DNAAF5: variants seen among roughly 807,000 people sequenced by gnomAD.
DNAAF5 encodes the protein dynein axonemal assembly factor 5.
Under a neutral mutation model 75.8 loss-of-function variants are expected in DNAAF5, and 64 were observed. The ratio of observed to expected loss-of-function variants is 0.84; its 90% CI spans 0.69 to 1.04. The LOEUF (loss-of-function observed/expected upper bound fraction) is 1.04, where lower values mean the gene tolerates loss of function less well. DNAAF5 is among the 50% of genes least tolerant of loss of function. DNAAF5 has a pLI of 0.00. For synonymous variants in DNAAF5, 657 were observed against 557.2 expected (o/e 1.18, Z -2.52); for missense variants, 1,269 against 1,178.5 (o/e 1.08, Z -1.12).
chr7:739,104 C>CAGGCTTTGCAGCATCTCAGCA (rs1562377092), intron 2 of DNAAF5, among the ~76,000 whole-genome samples: 24 of 54,634 alleles, frequency 4.4e-4, no homozygotes, highest in South Asian at 1.3e-3. Context: ...GCCCTCTGCC[C>CAGGCTTTGCAGCATCTCAGCA]CATCACTGTA....
chr7:784,633 C>G (rs559829843), intron 12 of DNAAF5, among the ~76,000 whole-genome samples: 3 of 152,280 alleles, frequency 2.0e-5, no homozygotes, highest in South Asian at 4.2e-4. Context: ...TTTTCATCAT[C>G]GGCCACTGCT....
At chr7:765,794 G>T (rs146458548) in intron 8 of DNAAF5, among the ~76,000 whole-genome samples, 1 of 152,104 alleles carries the variant, frequency 6.6e-6, no homozygotes, top group Non-Finnish European at 1.5e-5. Flanking sequence ...TCAAACTTCC[G>T]GGATCAAGTG....
At chr7:756,648 CAAGGACTCACTCTGCCT>C (rs1782493793) in intron 5 of DNAAF5, 117 bp from the exon 6 acceptor site, 4 of 769,252 alleles carry the variant, frequency 5.2e-6, no homozygotes, top group Middle Eastern at 3.8e-4. Flanking sequence ...GAGCATGTGC[CAAGGACTCACTCTGCCT>C]AACACGGGGC....
At chr7:735,516 G>T (rs1781715476) in intron 2 of DNAAF5, among the ~76,000 whole-genome samples, 2 of 151,514 alleles carry the variant, frequency 1.3e-5, no homozygotes, top group African/African-American at 4.9e-5. Context: ...TGCTGATATT[G>T]TTGCTCACGG....
At chr7:760,432 C>A (rs942531383) in intron 6 of DNAAF5, among the ~76,000 whole-genome samples, 2 of 152,170 alleles carry the variant, frequency 1.3e-5, no homozygotes, top group African/African-American at 4.8e-5. Context: ...GGCCACGGTC[C>A]TGACTCACTC....
rs371542660 is a variant in DNAAF5, at chr7:763,804, A to G, written c.1615-2A>G. 7 of 1,612,954 alleles carry G rather than the reference A, an allele frequency of 4.3e-6. No homozygotes were observed. The South Asian group carries it at 4.4e-5, about 10-fold the overall frequency. On this transcript the variant is annotated splice_acceptor_variant, in intron 7 of 12. Coordinates refer to ENST00000297440, the MANE Select transcript of DNAAF5 (RefSeq NM_017802.4). LOFTEE classifies it high-confidence loss of function. ...TCTCAGTCTCTGACTTGTAACCTCC[A>G]GGCACAGGAGACGATGGACTCACTG... is the stretch of plus-strand genomic sequence containing the variant.
At position 763,959 on chromosome 7, in the gene DNAAF5, A is replaced by G. The variant is rs756648578; in HGVS notation, c.1768A>G (p.Ile590Val). The G allele has an allele frequency of 1.2e-6, 2 of 1,604,582 alleles. No individual in the cohort carries two copies. Among genetic ancestry groups the G allele is most frequent in the African/African-American group, 1.3e-5 (1 of 75,062 alleles). ...GCCGGAGCTCCTGCAGTTCAGTGTC[A>G]TCGTCGCACAGTCAGGTGAGCCGTC... is the stretch of plus-strand genomic sequence containing the variant. ...HSPELLQFSV[I>V]VAQSGPALGE... Residue 590 changes from isoleucine to valine, a missense_variant, in exon 8 of 13, where the codon ATC becomes GTC. Transcript: ENST00000297440.
intron 4 of DNAAF5, among the ~76,000 whole-genome samples, chr7:753,184 C>T (rs1054134034): frequency 2.0e-5 from 3 of 152,214 alleles, no homozygotes; most frequent in African/African-American, 7.2e-5. Flanking sequence ...GTATTTGTCC[C>T]GGCACAGTGA....
At chr7:775,311 T>C (rs1323244932) in intron 11 of DNAAF5, 149 bp downstream of exon 11, 1 of 739,400 alleles carries the variant, frequency 1.4e-6, no homozygotes, top group Non-Finnish European at 2.3e-6. Flanking sequence ...TCCAGCACTT[T>C]AGGCAGGAGG....
At chr7:777,373 C>T (rs930953969) in intron 11 of DNAAF5, among the ~76,000 whole-genome samples, 1 of 152,120 alleles carries the variant, frequency 6.6e-6, no homozygotes, top group Admixed American at 6.5e-5. Flanking sequence ...CTCAAAGTTA[C>T]CTTTATTGAG....
intron 12 of DNAAF5, among the ~76,000 whole-genome samples, chr7:781,934 C>T (rs1356954626): frequency 2.6e-5 from 4 of 152,254 alleles, no homozygotes; most frequent in African/African-American, 4.8e-5. Context: ...CCATCCCGTA[C>T]CCGCGGGCTG....
chr7:770,647 C>T (rs1316797969), intron 9 of DNAAF5, 29 bp downstream of exon 9: 1 of 1,604,772 alleles, frequency 6.2e-7, no homozygotes, highest in Middle Eastern at 1.8e-4. Context: ...TCTGCACGGC[C>T]CCCAGCTGGG....
chr7:745,542 C>T (rs1782065442), intron 4 of DNAAF5, among the ~76,000 whole-genome samples: 1 of 150,948 alleles, frequency 6.6e-6, no homozygotes, highest in Non-Finnish European at 1.5e-5. Context: ...TGCATATCGT[C>T]ACACGCGTAC....
chr7:743,908 ATTT>A (rs1001263085), intron 4 of DNAAF5, among the ~76,000 whole-genome samples: 2 of 148,938 alleles, frequency 1.3e-5, no homozygotes, highest in African/African-American at 4.9e-5. Context: ...TTCTTTTTTT[ATTT>A]TTTTATTATT....
intron 8 of DNAAF5, among the ~76,000 whole-genome samples, chr7:768,005 CG>C (rs1185758643): frequency 1.3e-5 from 2 of 149,232 alleles, no homozygotes; most frequent in Non-Finnish European, 3.0e-5. Context: ...GTGGCCCGGG[CG>C]GAAGTGTCCT....
intron 2 of DNAAF5, among the ~76,000 whole-genome samples, chr7:736,564 G>T (rs1266898487): frequency 4.0e-5 from 6 of 151,772 alleles, no homozygotes; most frequent in African/African-American, 1.5e-4. Flanking sequence ...ATCTTTTTTC[G>T]CATCCCTTTA....
intron 8 of DNAAF5, among the ~76,000 whole-genome samples, chr7:768,205 C>T (rs139148581): frequency 2.6e-4 from 36 of 136,204 alleles, no homozygotes; most frequent in Non-Finnish European, 5.1e-4. Flanking sequence ...GCAGCAGGAG[C>T]TCGCACTGGG....
At chr7:729,539 C>G (rs1245898983) in intron 1 of DNAAF5, 124 bp from the exon 2 acceptor site, 1 of 842,212 alleles carries the variant, frequency 1.2e-6, no homozygotes, top group African/African-American at 1.7e-5. Context: ...GCAGCAAGGA[C>G]CTGGCGTAGG....
At chr7:728,209 T>G (rs2128067856) in intron 1 of DNAAF5, among the ~76,000 whole-genome samples, 1 of 151,886 alleles carries the variant, frequency 6.6e-6, no homozygotes, top group East Asian at 1.9e-4. Context: ...CTGGCTGGGA[T>G]GTGGAATGAT....
Sources: allele counts gnomAD v4.1 joint callset (sites outside exome capture counted in the v4.1 genomes callset), GRCh38; gene constraint gnomAD v4.1.1; transcripts MANE v1.5; gene names NCBI Gene and HGNC (gene_info 2026-07-23, HGNC 2026-07-21).